The following LY75 variants were observed in gnomAD, a reference collection of about 807,000 sequenced individuals.
LY75 encodes the protein C-type lectin domain family 13 member B.
Under a neutral mutation model 231.7 loss-of-function variants are expected in LY75, and 185 were observed. The ratio of observed to expected loss-of-function variants is 0.80; its 90% confidence interval spans 0.71 to 0.90. The LOEUF is 0.90. Ranked by LOEUF, LY75 falls within the 40% of genes least tolerant of loss-of-function variation. LY75 has a pLI of 0.00. For synonymous variants in LY75, 668 were observed against 689.0 expected (o/e 0.97, Z 0.48); for missense variants, 1,947 against 2,050.2 (o/e 0.95, Z 0.97).
chr2:159,852,069 G>T (rs1684415709), intron 21 of LY75, 132 bp downstream of exon 21: 1 of 1,312,806 alleles, frequency 7.6e-7, no homozygotes, highest in Non-Finnish European at 1.0e-6. Context: ...AACACAGAGG[G>T]CCAGGTGGGA....
chr2:159,840,703 C>A (rs775891197), intron 25 of LY75, 26 bp downstream of exon 25: 1 of 1,613,768 alleles, frequency 6.2e-7, no homozygotes, highest in Non-Finnish European at 8.5e-7. Flanking sequence ...ATCACCCAGT[C>A]CTGGCAGTTG....
rs541075753 is a variant in LY75, at chr2:159,886,410, G to C, written c.913+10C>G. 34 of 1,605,018 alleles carry C rather than the reference G, an allele frequency of 2.1e-5. No homozygotes were observed. Among genetic ancestry groups the C allele is most frequent in the Non-Finnish European group, 2.9e-5 (34 of 1,175,148 alleles). ...GTTCTGTGCAGAGGGGGTAGGGAAA[G>C]AGCAGTTACCTGGATCCCAGTTGAG... On this transcript the variant is annotated intron_variant, in intron 5 of 34. Coordinates refer to ENST00000263636, the MANE Select transcript of LY75 (RefSeq NM_002349.4).
At chr2:159,829,773 G>C (rs1190634033) in intron 28 of LY75, among the ~76,000 whole-genome samples, 1 of 152,144 alleles carries the variant, frequency 6.6e-6, no homozygotes, top group Non-Finnish European at 1.5e-5. Flanking sequence ...TCATATGCCT[G>C]TATATTTTAA....
intron 27 of LY75, among the ~76,000 whole-genome samples, chr2:159,832,507 C>T (rs1683694519): frequency 6.6e-6 from 1 of 152,182 alleles, no homozygotes; most frequent in Non-Finnish European, 1.5e-5. Flanking sequence ...TACGACAGAT[C>T]TTCCTTTTCC....
At chr2:159,854,862 G>C (rs1012271426) in intron 17 of LY75, 42 bp downstream of exon 17, 1 of 1,610,392 alleles carries the variant, frequency 6.2e-7, no homozygotes, top group African/African-American at 1.3e-5. Flanking sequence ...TTAGTGACAA[G>C]GTAAAAGCAG....
At chr2:159,851,405 C>T (rs1178214814) in intron 21 of LY75, among the ~76,000 whole-genome samples, 1 of 151,988 alleles carries the variant, frequency 6.6e-6, no homozygotes, top group African/African-American at 2.4e-5. Flanking sequence ...GCCAAGCTAC[C>T]CAATGTGGAC....
chr2:159,860,017 T>A (rs1684658306), intron 15 of LY75, among the ~76,000 whole-genome samples: 1 of 152,238 alleles, frequency 6.6e-6, no homozygotes, highest in Non-Finnish European at 1.5e-5. Flanking sequence ...TGTTTACTTG[T>A]CTTTATTTCC....
At chr2:159,886,583 C>G in intron 4 of LY75, 53 bp from the exon 5 acceptor site, 1 of 1,511,298 alleles carries the variant, frequency 6.6e-7, no homozygotes, top group Non-Finnish European at 8.9e-7. Flanking sequence ...AAGTTATTAT[C>G]TAAATTAGAC....
intron 6 of LY75, among the ~76,000 whole-genome samples, chr2:159,884,095 G>A (rs1685515818): frequency 1.3e-5 from 2 of 152,106 alleles, no homozygotes; most frequent in African/African-American, 2.4e-5. Flanking sequence ...GAGATCTGGC[G>A]GTTTTATAAG....
At chr2:159,886,651 T>A in intron 4 of LY75, 121 bp from the exon 5 acceptor site, 1 of 983,486 alleles carries the variant, frequency 1.0e-6, no homozygotes, top group Non-Finnish European at 1.4e-6. Context: ...GCAATCCCTG[T>A]AGAGGGCTGT....
Position 159,898,722 on chromosome 2 carries a change from G to T in LY75, c.432C>A (p.Gly144=). 1 of 1,614,018 alleles carries T rather than the reference G, an allele frequency of 6.2e-7. No homozygotes were observed. The highest frequency in any genetic ancestry group is 8.5e-7 in the Non-Finnish European group (1 of 1,179,924). ...SNASDVWKKG[G]SEESLCDQPY... Reference sequence around the variant, plus strand: ...GCTGGTCACAAAGGCTTTCCTCTGAGCCTCCTTTCTTCCAGACATCAGATG... The same window carrying T: ...GCTGGTCACAAAGGCTTTCCTCTGATCCTCCTTTCTTCCAGACATCAGATG... The change falls in exon 2 of 35, where the codon GGC becomes GGA. Residue 144 remains glycine, a synonymous_variant. Coordinates refer to ENST00000263636, the MANE Select transcript of LY75 (RefSeq NM_002349.4).
At chr2:159,892,314 A>G (rs754956041) in intron 3 of LY75, among the ~76,000 whole-genome samples, 1 of 152,184 alleles carries the variant, frequency 6.6e-6, no homozygotes, top group Non-Finnish European at 1.5e-5. Flanking sequence ...TAGCTACTCA[A>G]TGAGTCAGCC....
rs371560620 is a variant in LY75 at position 159,816,979 on chromosome 2, C to T, written c.4207G>A (p.Asp1403Asn). The change falls in exon 30 of 35, where the codon GAT becomes AAT. Residue 1403 changes from aspartate (D) to asparagine (N), a missense_variant. Asp to Asn is a conservative substitution (Grantham distance 23). Coordinates refer to ENST00000263636, the MANE Select transcript of LY75 (RefSeq NM_002349.4). ...TTTTGAATAACACTGTAAATACCATCTTCATATGGCATAAACTGTGGCAGT... is the reference window on the plus strand; with the variant it reads ...TTTTGAATAACACTGTAAATACCATTTTCATATGGCATAAACTGTGGCAGT... Reference protein sequence around the residue: ...TTLPQFMPYEDGIYSVIQKKV... With the variant: ...TTLPQFMPYENGIYSVIQKKV... The T allele has an allele frequency of 6.2e-7, 1 of 1,614,092 alleles. No individual in the cohort carries two copies. The highest frequency in any genetic ancestry group is 8.5e-7 in the Non-Finnish European group (1 of 1,179,990).
At position 159,899,078 on chromosome 2, in the gene LY75, C is replaced by T; in HGVS notation, c.95-19G>A. ...TCATTAGCTGAGTCAAATGGACAGA[C>T]AGATTGTAGATTATGTGGTTGAAGC... On this transcript the variant is annotated intron_variant, in intron 1 of 34. Transcript: ENST00000263636. 1 of 1,603,460 alleles carries T rather than the reference C, an allele frequency of 6.2e-7. No individual in the cohort carries two copies. Among genetic ancestry groups the T allele is most frequent in the Non-Finnish European group, 8.5e-7 (1 of 1,175,210 alleles).
chr2:159,814,628 C>G (rs1160164314), intron 31 of LY75, among the ~76,000 whole-genome samples: 8 of 140,826 alleles, frequency 5.7e-5, no homozygotes, highest in Non-Finnish European at 1.1e-4. Flanking sequence ...GCACTCCAGT[C>G]TGGGCAACAG....
chr2:159,873,545 C>T (rs894415713), intron 12 of LY75, among the ~76,000 whole-genome samples: 12 of 152,092 alleles, frequency 7.9e-5, no homozygotes, highest in Admixed American at 2.0e-4. Context: ...GCAGAGGTCA[C>T]CATTCAAGCC....
Position 159,807,132 on chromosome 2 carries a change from A to G in LY75, c.4831T>C (p.Trp1611Arg), listed in dbSNP as rs1682817174. Residue 1611 changes from tryptophan to arginine, a missense_variant, in exon 34 of 35, where the codon TGG becomes CGG. By Grantham distance (101) the Trp-to-Arg change is moderately radical. Coordinates refer to ENST00000263636, the MANE Select transcript of LY75 (RefSeq NM_002349.4). ...ACTTCTGATCCATCTAACCAACTCC[A>G]AGACTGGTCTGAAGAAAGAAATTAA... ...GLSQHSVDQS[W>R]SWLDGSEVTF... 1 of 1,610,692 alleles carries G rather than the reference A, an allele frequency of 6.2e-7. No individual in the cohort carries two copies. Among genetic ancestry groups the G allele is most frequent in the Non-Finnish European group, 8.5e-7 (1 of 1,178,572 alleles).
At chr2:159,854,989 G>T (rs774379554) in intron 16 of LY75, 50 bp from the exon 17 acceptor site, 1 of 1,609,768 alleles carries the variant, frequency 6.2e-7, no homozygotes, top group African/African-American at 1.3e-5. Context: ...ACAGATCAGG[G>T]TATACTATAA....
At chr2:159,831,811 A>T in intron 27 of LY75, 25 bp from the exon 28 acceptor site, 1 of 1,566,344 alleles carries the variant, frequency 6.4e-7, no homozygotes, top group Non-Finnish European at 8.7e-7. Flanking sequence ...ATAATCAATA[A>T]TTTTAACAAT....
Sources: allele counts gnomAD v4.1 joint callset (sites outside exome capture counted in the v4.1 genomes callset), GRCh38; gene constraint gnomAD v4.1.1; transcripts MANE v1.5; gene names NCBI Gene and HGNC (gene_info 2026-07-23, HGNC 2026-07-21).